Variants in GRAP2 observed in about 807,000 individuals in gnomAD.
The protein encoded by GRAP2 is GRB2-related adapter protein 2.
GRAP2 carries 31 observed loss-of-function variants against 43.5 expected under a neutral mutation model. That is an observed-to-expected ratio of 0.71 (90% CI 0.54 to 0.96). GRAP2 has a LOEUF of 0.96. Among genes scored for constraint, GRAP2 ranks in the 40% least tolerant of loss-of-function variants. The pLI, the probability that GRAP2 is intolerant of heterozygous loss-of-function variation, is 0.00. For synonymous variants in GRAP2, 156 were observed against 164.8 expected, an observed-to-expected ratio of 0.95 and a Z score of 0.41; for missense variants, 371 against 424.4, an observed-to-expected ratio of 0.87 and a Z score of 1.11.
intron 1 of GRAP2, among the ~76,000 whole-genome samples, chr22:39,932,932 G>A (rs1470448281): frequency 6.6e-6 from 1 of 152,166 alleles, no homozygotes; most frequent in Non-Finnish European, 1.5e-5. Context: ...CAGAAAACTA[G>A]TAGTAGAGAA....
intron 1 of GRAP2, among the ~76,000 whole-genome samples, chr22:39,911,341 A>C (rs1020392515): frequency 6.6e-6 from 1 of 152,120 alleles, no homozygotes; most frequent in Admixed American, 6.5e-5. Context: ...GCCATAAAGC[A>C]TATCTGCAAG....
At chr22:39,948,021 C>G (rs1346976083) in intron 2 of GRAP2, 2 of 152,168 alleles carry the variant, frequency 1.3e-5, no homozygotes, top group African/African-American at 4.8e-5. Flanking sequence ...AGCCTGATCC[C>G]TGGTCCTCAG....
intron 1 of GRAP2, among the ~76,000 whole-genome samples, chr22:39,938,294 A>G (rs1363821069): frequency 6.6e-6 from 1 of 152,250 alleles, no homozygotes; most frequent in African/African-American, 2.4e-5. Context: ...ACAGACAGGG[A>G]CCTGCAGAAC....
intron 1 of GRAP2, chr22:39,926,835 G>A (rs1361061591): frequency 1.8e-5 from 18 of 984,406 alleles, no homozygotes; most frequent in Non-Finnish European, 1.9e-5. Flanking sequence ...GGGGAGTATT[G>A]TCTGGCTGAC....
At chr22:39,938,810 A>G (rs1467561745) in intron 1 of GRAP2, among the ~76,000 whole-genome samples, 1 of 152,230 alleles carries the variant, frequency 6.6e-6, no homozygotes, top group Non-Finnish European at 1.5e-5. Flanking sequence ...TGCACACAGG[A>G]CAGGAATGGA....
At chr22:39,894,139 G>A in the GRAP2 span, among the ~76,000 whole-genome samples, 1 of 151,420 alleles carries the variant, frequency 6.6e-6, no homozygotes, top group African/African-American at 2.4e-5. Context: ...TTAAAAAGTA[G>A]ACAATAAAAT....
chr22:39,908,690 C>G (rs766688238), intron 1 of GRAP2, among the ~76,000 whole-genome samples: 1 of 152,184 alleles, frequency 6.6e-6, no homozygotes, highest in South Asian at 2.1e-4. Flanking sequence ...CATCACCACT[C>G]TCCCTTGGCC....
intron 1 of GRAP2, chr22:39,926,612 T>C (rs1051551878): frequency 2.0e-6 from 2 of 985,422 alleles, no homozygotes; most frequent in Non-Finnish European, 2.4e-6. Flanking sequence ...AAGCATTCTA[T>C]GCTGGACCGG....
upstream of GRAP2, among the ~76,000 whole-genome samples, chr22:39,898,796 G>A (rs987038119): frequency 4.6e-5 from 7 of 152,088 alleles, no homozygotes; most frequent in African/African-American, 7.2e-5. Context: ...CTGGGCAACC[G>A]AGCGAGACTC....
At chr22:39,911,044 A>G (rs1397204599) in intron 1 of GRAP2, among the ~76,000 whole-genome samples, 2 of 152,190 alleles carry the variant, frequency 1.3e-5, no homozygotes, top group African/African-American at 4.8e-5. Context: ...ATAAGTGTGA[A>G]TGGCCATTTC....
chr22:39,945,670 T>A (rs1485289632), intron 1 of GRAP2, among the ~76,000 whole-genome samples: 1 of 152,196 alleles, frequency 6.6e-6, no homozygotes, highest in Non-Finnish European at 1.5e-5. Flanking sequence ...AATCACAGGA[T>A]TTGATAGTCA....
intron 3 of GRAP2, among the ~76,000 whole-genome samples, chr22:39,959,713 C>T (rs966043380): frequency 2.0e-5 from 3 of 152,166 alleles, no homozygotes; most frequent in African/African-American, 7.2e-5. Context: ...TCTGGTCTAT[C>T]TCTTCCGCAG....
At position 39,971,346 on chromosome 22, in the gene GRAP2, G is replaced by T. The variant is rs561959406; in HGVS notation, c.*262G>T. ...TGGAAGGCAGTGGGGGAGTTGGGAG[G>T]GGGGCAGGGAAATGAAATGGAGTTT... On this transcript the variant is annotated 3_prime_UTR_variant, in exon 8 of 8. Transcript: ENST00000344138. 2.2e-6 allele frequency: 1 copy of T among 462,098 alleles called. No homozygotes were observed. The highest frequency in any genetic ancestry group is 3.4e-5 in the South Asian group (1 of 29,140). The allele number at this position is 462,098 out of a possible 1,614,324, so 28.6% of individuals were successfully genotyped here. A position where few individuals can be genotyped will look rare whatever the true frequency, so the allele number is the denominator to read the frequency against.
chr22:39,951,846 G>A (rs1317904585), intron 2 of GRAP2, among the ~76,000 whole-genome samples: 1 of 151,986 alleles, frequency 6.6e-6, no homozygotes, highest in African/African-American at 2.4e-5. Flanking sequence ...ATGGTAAAGA[G>A]CCTGCAAATT....
intron 2 of GRAP2, among the ~76,000 whole-genome samples, chr22:39,949,634 T>C (rs951433299): frequency 2.0e-5 from 3 of 152,206 alleles, no homozygotes; most frequent in Non-Finnish European, 4.4e-5. Flanking sequence ...CCCAGCTTAC[T>C]AACCATGGAG....
chr22:39,964,276 G>A (rs376772971), intron 4 of GRAP2: 3 of 637,338 alleles, frequency 4.7e-6, no homozygotes, highest in Non-Finnish European at 8.4e-6. Flanking sequence ...TGGTTCGAAT[G>A]TGTCCCATCA....
chr22:39,899,501 A>G (rs540388153), upstream of GRAP2, among the ~76,000 whole-genome samples: 1 of 152,344 alleles, frequency 6.6e-6, no homozygotes, highest in South Asian at 2.1e-4. Flanking sequence ...TAATGATCCA[A>G]GAAGGTCCTT....
upstream of GRAP2, among the ~76,000 whole-genome samples, chr22:39,899,242 A>G (rs115732456): frequency 0.011 from 1,696 of 152,338 alleles, 34 homozygotes; most frequent in African/African-American, 0.039. Context: ...GGGAAGGATT[A>G]TATTCTGCTC....
In GRAP2 at chr22:39,969,398, T is replaced by C. The variant is rs758784450; in HGVS notation, c.691-13T>C. The C allele has an allele frequency of 1.2e-6, 2 of 1,613,396 alleles. No individual in the cohort carries two copies. Among genetic ancestry groups the C allele is most frequent in the South Asian group, 2.2e-5 (2 of 91,056 alleles). ...GGCAGTGGGGTGACCAGTCTTCTGTTGTATGTTTCTAGGAACGCCGAGGAG... is the reference window on the plus strand; with the variant it reads ...GGCAGTGGGGTGACCAGTCTTCTGTCGTATGTTTCTAGGAACGCCGAGGAG... On this transcript the variant is annotated splice_polypyrimidine_tract_variant and intron_variant, in intron 6 of 7. Transcript: ENST00000344138.
Sources: gnomAD v4.1 joint callset for allele counts (sites outside exome capture counted in the v4.1 genomes callset) on GRCh38, gnomAD v4.1.1 for gene constraint, MANE v1.5 for transcripts, NCBI Gene and HGNC (gene_info 2026-07-23, HGNC 2026-07-21) for gene names.